NAV2: variants seen among roughly 807,000 people sequenced by gnomAD.
The protein encoded by NAV2 is helicase, APC down-regulated 1.
In NAV2, 54 loss-of-function variants were observed where a neutral mutation model predicts 223.2. That is an observed-to-expected ratio of 0.24 (90% CI 0.19 to 0.30). The LOEUF is 0.30. NAV2 is among the 10% of genes least tolerant of loss of function. The probability of loss-of-function intolerance (pLI) is 1.00; values close to 1 mark genes in which losing one functional copy is unlikely to be tolerated. For synonymous variants in NAV2, 1,279 were observed against 1,239.3 expected (o/e 1.03, Z -0.67); for missense variants, 2,806 against 3,147.5 (o/e 0.89, Z 2.60).
In NAV2 at chr11:19,631,401, C is replaced by T. The variant is rs1460154621; in HGVS notation, c.76-201083C>T. ...GATAGTTTGCTGAGAATGAGGGTTT[C>T]CAGTTTCATCTGAGGGCCTTTCCAG... On this transcript the variant is annotated intron_variant, in intron 1 of 37. Coordinates refer to the NAV2 transcript ENST00000360655. 3.3e-5 allele frequency among the ~76,000 whole-genome samples: 5 copies of T among 152,266 alleles called. No homozygotes were observed. The East Asian group carries it at 9.6e-4, about 29-fold the overall frequency.
At chr11:19,641,648 C>G (rs752975236) in intron 1 of NAV2, among the ~76,000 whole-genome samples, 2 of 151,860 alleles carry the variant, frequency 1.3e-5, no homozygotes, top group Non-Finnish European at 2.9e-5. Flanking sequence ...CGCTCACCTT[C>G]CGGCGTTTGC....
chr11:19,543,752 T>C (rs887538851), intron 1 of NAV2, among the ~76,000 whole-genome samples: 2 of 152,240 alleles, frequency 1.3e-5, no homozygotes, highest in African/African-American at 4.8e-5. Flanking sequence ...CTTCTCTTTC[T>C]CTTCCTTGTC....
At chr11:19,485,726 G>A (rs1480980512) in intron 1 of NAV2, among the ~76,000 whole-genome samples, 4 of 122,762 alleles carry the variant, frequency 3.3e-5, no homozygotes, top group African/African-American at 1.1e-4. Flanking sequence ...GATCTATTAA[G>A]GATTTTTTTT....
At chr11:19,787,279 T>C (rs1427250153) in intron 1 of NAV2, among the ~76,000 whole-genome samples, 1 of 137,294 alleles carries the variant, frequency 7.3e-6, no homozygotes, top group Non-Finnish European at 1.6e-5. Context: ...TCTTTTTTTT[T>C]TTTTTTTTTT....
intron 7 of NAV2, among the ~76,000 whole-genome samples, chr11:19,938,245 C>G (rs916676247): frequency 6.6e-6 from 1 of 152,090 alleles, no homozygotes; most frequent in African/African-American, 2.4e-5. Context: ...GATGTCATCA[C>G]GTCAGTATTA....
At chr11:19,807,095 G>A (rs2058609246) in intron 1 of NAV2, among the ~76,000 whole-genome samples, 1 of 152,210 alleles carries the variant, frequency 6.6e-6, no homozygotes, top group Non-Finnish European at 1.5e-5. Context: ...CAAATGTGAT[G>A]TGTGCATTGC....
intron 11 of NAV2, among the ~76,000 whole-genome samples, chr11:19,990,392 T>C (rs965090155): frequency 9.2e-5 from 14 of 152,144 alleles, no homozygotes; most frequent in African/African-American, 3.4e-4. Flanking sequence ...AACTTTTCTC[T>C]CCTGGTCTTG....
chr11:19,395,523 C>T (rs966369639), intron 1 of NAV2, among the ~76,000 whole-genome samples: 1 of 152,170 alleles, frequency 6.6e-6, no homozygotes, highest in Non-Finnish European at 1.5e-5. Context: ...GTGCATCTGC[C>T]CAGGTCCTGA....
intron 1 of NAV2, among the ~76,000 whole-genome samples, chr11:19,545,335 G>A (rs2044465217): frequency 6.6e-6 from 1 of 152,216 alleles, no homozygotes; most frequent in Non-Finnish European, 1.5e-5. Flanking sequence ...TGTGCTCTCT[G>A]TCTTTTTTCC....
chr11:19,706,989 T>A lies in NAV2; in HGVS notation c.76-125495T>A, dbSNP rs76694728. On this transcript the variant is annotated intron_variant, in intron 1 of 37. Transcript: ENST00000360655. ...TAGGTAATTACAACACAATGGTATT[T>A]GTGTATCTAAACGTAGAAAAGGTAC... Among the ~76,000 whole-genome samples, 1,326 of 152,356 alleles carry A rather than the reference T, an allele frequency of 8.7e-3. 9 individuals carry two copies. Among genetic ancestry groups the A allele is most frequent in the African/African-American group, 0.031 (1,275 of 41,588 alleles).
chr11:19,946,055 G>A (rs531492668), intron 8 of NAV2, among the ~76,000 whole-genome samples: 1 of 152,216 alleles, frequency 6.6e-6, no homozygotes, highest in Non-Finnish European at 1.5e-5. Context: ...TTTTGCATGG[G>A]TAGAAAATGA....
intron 37 of NAV2, among the ~76,000 whole-genome samples, chr11:20,116,327 G>A (rs1323919591): frequency 6.6e-6 from 1 of 152,212 alleles, no homozygotes; most frequent in Non-Finnish European, 1.5e-5. Context: ...TTGGTGGGAT[G>A]TAGCTGTGGT....
At chr11:19,788,120 G>A (rs562793238) in intron 1 of NAV2, among the ~76,000 whole-genome samples, 11 of 152,282 alleles carry the variant, frequency 7.2e-5, no homozygotes, top group South Asian at 2.1e-4. Flanking sequence ...TCTGTAAGTC[G>A]GGGTTTCTCA....
chr11:20,114,552 T>A, intron 36 of NAV2, 40 bp from the exon 37 acceptor site: 1 of 1,598,296 alleles, frequency 6.3e-7, no homozygotes, highest in Admixed American at 1.7e-5. Flanking sequence ...GAGAGAGATC[T>A]GGGCCACTTC....
chr11:19,373,652 C>A (rs1848545060), intron 1 of NAV2, among the ~76,000 whole-genome samples: 1 of 152,178 alleles, frequency 6.6e-6, no homozygotes, highest in African/African-American at 2.4e-5. Flanking sequence ...TTTGTCATAG[C>A]ACTTGTCCTA....
At chr11:19,403,454 A>G (rs1849768697) in intron 1 of NAV2, among the ~76,000 whole-genome samples, 1 of 152,212 alleles carries the variant, frequency 6.6e-6, no homozygotes, top group African/African-American at 2.4e-5. Flanking sequence ...GGCTTTGAAC[A>G]AAAGCTGCAG....
intron 35 of NAV2, among the ~76,000 whole-genome samples, chr11:20,106,476 C>A (rs1366828742): frequency 1.4e-5 from 2 of 139,506 alleles, no homozygotes; most frequent in Non-Finnish European, 3.1e-5. Context: ...AGGAGAATCG[C>A]TTGAACCCAG....
At chr11:19,801,220 C>G (rs2058232850) in intron 1 of NAV2, among the ~76,000 whole-genome samples, 1 of 152,212 alleles carries the variant, frequency 6.6e-6, no homozygotes, top group South Asian at 2.1e-4. Context: ...TTGGCAACAG[C>G]AGGACCCCAT....
chr11:19,616,507 G>A (rs2046798625), intron 1 of NAV2, among the ~76,000 whole-genome samples: 2 of 152,088 alleles, frequency 1.3e-5, no homozygotes, highest in African/African-American at 4.8e-5. Context: ...TGCTCCCGCG[G>A]AGCAGGGAGA....
Sources: gnomAD v4.1 joint callset for allele counts (sites outside exome capture counted in the v4.1 genomes callset) on GRCh38, gnomAD v4.1.1 for gene constraint, MANE v1.5 for transcripts, NCBI Gene and HGNC (gene_info 2026-07-23, HGNC 2026-07-21) for gene names.